OXR1: variants seen among roughly 807,000 people sequenced by gnomAD.
The protein encoded by OXR1 is oxidation resistance 1.
A neutral mutation model predicts 104.6 loss-of-function variants in OXR1; 41 were observed. The observed-to-expected ratio is 0.39, with a 90% CI of 0.31 to 0.51. The LOEUF (loss-of-function observed/expected upper bound fraction) is 0.51. Ranked by LOEUF, OXR1 falls within the 20% of genes least tolerant of loss-of-function variation. The probability of loss-of-function intolerance (pLI) is 0.77; values close to 1 mark genes in which losing one functional copy is unlikely to be tolerated. For missense variants in OXR1, 955 were observed against 1,031.9 expected, an observed-to-expected ratio of 0.93 and a Z score of 1.02; for synonymous variants, 348 against 348.4, an observed-to-expected ratio of 1.00 and a Z score of 0.01.
intron 3 of OXR1, among the ~76,000 whole-genome samples, chr8:106,540,407 A>C (rs1293593874): frequency 6.6e-6 from 1 of 152,220 alleles, no homozygotes; most frequent in East Asian, 1.9e-4. Context: ...CCTAGAGTGA[A>C]TCTATTTTAT....
At chr8:106,682,708 G>C (rs919291398) in intron 4 of OXR1, among the ~76,000 whole-genome samples, 1 of 151,958 alleles carries the variant, frequency 6.6e-6, no homozygotes, top group Admixed American at 6.6e-5. Flanking sequence ...GGAAACGTAC[G>C]AATGATTCAG....
intron 2 of OXR1, among the ~76,000 whole-genome samples, chr8:106,517,783 C>T (rs1231913353): frequency 6.6e-6 from 1 of 151,920 alleles, no homozygotes. Flanking sequence ...TAATATAGGT[C>T]GTATATGGAT....
intron 2 of OXR1, among the ~76,000 whole-genome samples, chr8:106,415,337 T>A (rs1261501914): frequency 6.6e-6 from 1 of 152,160 alleles, no homozygotes; most frequent in Non-Finnish European, 1.5e-5. Context: ...AAAAGGGAAG[T>A]CATCATTATG....
chr8:106,665,075 A>G (rs549806559), intron 3 of OXR1, among the ~76,000 whole-genome samples: 82 of 152,342 alleles, frequency 5.4e-4, no homozygotes, highest in Non-Finnish European at 1.1e-3. Context: ...AAAGATTAAT[A>G]AAGACAAGAG....
chr8:106,472,182 C>T (rs944948884), intron 2 of OXR1, among the ~76,000 whole-genome samples: 3 of 151,762 alleles, frequency 2.0e-5, no homozygotes, highest in Non-Finnish European at 2.9e-5. Context: ...TTCCACATCA[C>T]GGGATTCAGG....
At chr8:106,722,311 T>A (rs1257542810) in intron 11 of OXR1, among the ~76,000 whole-genome samples, 1 of 152,144 alleles carries the variant, frequency 6.6e-6, no homozygotes, top group Non-Finnish European at 1.5e-5. Context: ...ATTTCTCAGA[T>A]AAAGGGAATT....
chr8:106,281,321 G>T lies in OXR1; in HGVS notation c.-139+10954G>T, dbSNP rs570653699. Among the ~76,000 whole-genome samples the T allele has an allele frequency of 9.9e-5, 15 of 152,254 alleles. No homozygotes were observed. In the South Asian group the frequency reaches 2.9e-3, roughly 29 times the overall value. On this transcript the variant is annotated intron_variant, in intron 1 of 16. Transcript: ENST00000517566. ...TTGGAAATAACCCAGATGTCTGTCA[G>T]TTGAGGAATGGATAAACAAATAGTC... is the stretch of plus-strand genomic sequence containing the variant.
At chr8:106,491,057 T>C (rs914967468) in intron 2 of OXR1, among the ~76,000 whole-genome samples, 18 of 152,200 alleles carry the variant, frequency 1.2e-4, no homozygotes, top group African/African-American at 4.1e-4. Context: ...TTATCATTCA[T>C]TTCCCTCTGC....
intron 1 of OXR1, among the ~76,000 whole-genome samples, chr8:106,281,579 G>C (rs1380900169): frequency 2.0e-5 from 3 of 152,108 alleles, no homozygotes; most frequent in African/African-American, 7.2e-5. Flanking sequence ...AAAGTGGGTG[G>C]AACACGAGTC....
intron 3 of OXR1, among the ~76,000 whole-genome samples, chr8:106,665,844 AAAG>A (rs984064464): frequency 1.1e-4 from 17 of 152,170 alleles, no homozygotes; most frequent in Admixed American, 3.3e-4. Flanking sequence ...CAGTAAATGG[AAAG>A]AAGGAAATGT....
chr8:106,721,788 A>G (rs1488134660), intron 11 of OXR1, among the ~76,000 whole-genome samples: 2 of 152,192 alleles, frequency 1.3e-5, no homozygotes, highest in African/African-American at 2.4e-5. Flanking sequence ...TGACTTTAGT[A>G]TTTAGTGCTG....
chr8:106,290,075 T>G (rs967376801), intron 1 of OXR1, among the ~76,000 whole-genome samples: 26 of 152,242 alleles, frequency 1.7e-4, no homozygotes, highest in African/African-American at 3.1e-4. Flanking sequence ...TCTCAGGTAT[T>G]TCTTCATAGC....
intron 8 of OXR1, among the ~76,000 whole-genome samples, chr8:106,705,986 AT>A (rs1477009954): frequency 6.6e-6 from 1 of 152,008 alleles, no homozygotes; most frequent in Non-Finnish European, 1.5e-5. Context: ...TTATTGGGAG[AT>A]TTAAAATTTT....
intron 1 of OXR1, among the ~76,000 whole-genome samples, chr8:106,340,697 T>C (rs1815208222): frequency 1.3e-5 from 2 of 152,318 alleles, no homozygotes; most frequent in East Asian, 1.9e-4. Context: ...GGTTTTGTGC[T>C]ATATTCATGG....
At chr8:106,552,571 T>C (rs570974437) in intron 3 of OXR1, among the ~76,000 whole-genome samples, 32 of 152,258 alleles carry the variant, frequency 2.1e-4, no homozygotes, top group Non-Finnish European at 4.3e-4. Flanking sequence ...CTGATAGAGA[T>C]TATTTTGTAA....
rs555879173 is a variant in OXR1 at position 106,589,505 on chromosome 8, A to G, written c.220+70366A>G. Among the ~76,000 whole-genome samples, 4 of 152,254 alleles carry G rather than the reference A, an allele frequency of 2.6e-5. No homozygotes were observed. In the East Asian group the frequency reaches 7.7e-4, roughly 29 times the overall value. On this transcript the variant is annotated intron_variant, in intron 3 of 16. Coordinates refer to ENST00000517566, the MANE Select transcript of OXR1 (RefSeq NM_001198533.2). ...CTGCAGGAGTCTTAGGGAGCCTTGT[A>G]CAAATGCTAGAGTGACTCATTTACC... is the stretch of plus-strand genomic sequence containing the variant.
chr8:106,429,480 C>T (rs191028614), intron 2 of OXR1, among the ~76,000 whole-genome samples: 40 of 151,900 alleles, frequency 2.6e-4, no homozygotes, highest in Admixed American at 1.1e-3. Context: ...GCTAATATAG[C>T]GAAAACCTGT....
At chr8:106,720,698 C>T (rs1832752936) in intron 11 of OXR1, 4 of 974,914 alleles carry the variant, frequency 4.1e-6, no homozygotes, top group Admixed American at 6.2e-5. Context: ...ATGTTGTGTA[C>T]TCAGAGATAC....
At chr8:106,635,129 A>C (rs1213057781) in intron 3 of OXR1, among the ~76,000 whole-genome samples, 1 of 152,226 alleles carries the variant, frequency 6.6e-6, no homozygotes, top group Non-Finnish European at 1.5e-5. Context: ...TGACTTGTTC[A>C]TCGATTCTAC....
Sources: allele counts gnomAD v4.1 joint callset (sites outside exome capture counted in the v4.1 genomes callset), GRCh38; gene constraint gnomAD v4.1.1; transcripts MANE v1.5; gene names NCBI Gene and HGNC (gene_info 2026-07-23, HGNC 2026-07-21).